Variants in TMEM135 observed in about 807,000 individuals in gnomAD.
TMEM135 encodes the protein peroxisomal membrane protein 52.
TMEM135 carries 30 observed loss-of-function variants against 60.3 expected under a neutral mutation model. That is an observed-to-expected ratio of 0.50 (90% confidence interval 0.37 to 0.68). The LOEUF (loss-of-function observed/expected upper bound fraction) is 0.68, where lower values mean the gene tolerates loss of function less well. Among genes scored for constraint, TMEM135 ranks in the 30% least tolerant of loss-of-function variants. TMEM135 has a pLI of 0.00. For synonymous variants in TMEM135, 190 were observed against 186.7 expected, an observed-to-expected ratio of 1.02 and a Z score of -0.14; for missense variants, 468 against 548.8, an observed-to-expected ratio of 0.85 and a Z score of 1.47.
chr11:87,099,148 T>C (rs1186863180), intron 4 of TMEM135, among the ~76,000 whole-genome samples: 1 of 152,286 alleles, frequency 6.6e-6, no homozygotes, highest in East Asian at 1.9e-4. Context: ...CGCTGTGTAC[T>C]TCAATACCCA....
rs535531632 is a variant in TMEM135 at position 87,246,248 on chromosome 11, T to A, written c.509+9564T>A. Among the ~76,000 whole-genome samples the A allele has an allele frequency of 1.1e-4, 17 of 149,934 alleles. No homozygotes were observed. The South Asian group carries it at 1.3e-3, about 12-fold the overall frequency. ...TGTTAGTCCAATGGGCTTCCCTTTG[T>A]GGGTAACCCGACCTTTCTCTCTGGC... On this transcript the variant is annotated intron_variant, in intron 6 of 14. Coordinates refer to ENST00000305494, the MANE Select transcript of TMEM135 (RefSeq NM_022918.4).
intron 7 of TMEM135, among the ~76,000 whole-genome samples, chr11:87,298,589 AC>A (rs1942388335): frequency 6.8e-6 from 1 of 146,160 alleles, no homozygotes; most frequent in African/African-American, 2.6e-5. Flanking sequence ...GGAGTTAGAG[AC>A]CAGCCTGGCC....
chr11:87,132,430 C>G (rs1170194801), intron 4 of TMEM135, among the ~76,000 whole-genome samples: 2 of 152,094 alleles, frequency 1.3e-5, no homozygotes, highest in East Asian at 3.9e-4. Flanking sequence ...AATGGAAAGT[C>G]CTTATGATTT....
At chr11:87,239,739 G>T (rs1236771760) in intron 6 of TMEM135, among the ~76,000 whole-genome samples, 2 of 116,262 alleles carry the variant, frequency 1.7e-5, no homozygotes, top group Admixed American at 1.7e-4. Flanking sequence ...TCAATAAAAA[G>T]AAAATATGCC....
Position 87,256,668 on chromosome 11 carries a change from A to G in TMEM135, c.509+19984A>G, listed in dbSNP as rs561501491. Among the ~76,000 whole-genome samples the G allele has an allele frequency of 7.9e-5, 12 of 152,294 alleles. No homozygotes were observed. The East Asian group carries it at 2.3e-3, about 29-fold the overall frequency. On this transcript the variant is annotated intron_variant, in intron 6 of 14. Transcript: ENST00000305494. The stretch of plus-strand genomic sequence containing the variant: ...TATATTAAAGTGATTTTTTGGGGGC[A>G]AAAACATGTCTTTTGCTCATTGTGG...
chr11:87,266,443 G>C (rs897174857), intron 6 of TMEM135, among the ~76,000 whole-genome samples: 1 of 152,142 alleles, frequency 6.6e-6, no homozygotes, highest in Non-Finnish European at 1.5e-5. Context: ...ATATATAGCA[G>C]AATGTAGCTG....
chr11:87,315,151 C>T lies in TMEM135; in HGVS notation c.1077+604C>T, dbSNP rs1942706348. The stretch of plus-strand genomic sequence containing the variant: ...TACTGCTGCTACTGCTTTTCTTCCT[C>T]CTCCTCCTCCTCCTCCTCTTCCTTC... On this transcript the variant is annotated intron_variant, in intron 12 of 14. Coordinates refer to ENST00000305494, the MANE Select transcript of TMEM135 (RefSeq NM_022918.4). 2.6e-5 allele frequency among the ~76,000 whole-genome samples: 4 copies of T among 151,716 alleles called. No individual in the cohort carries two copies. The South Asian group carries it at 8.3e-4, about 32-fold the overall frequency.
intron 5 of TMEM135, among the ~76,000 whole-genome samples, chr11:87,175,243 C>T (rs1939339314): frequency 6.6e-6 from 1 of 152,162 alleles, no homozygotes; most frequent in African/African-American, 2.4e-5. Flanking sequence ...AGAATCACAT[C>T]ATAAAACATT....
chr11:87,038,350 C>G (rs2135098290), intron 1 of TMEM135, among the ~76,000 whole-genome samples, 164 bp downstream of exon 1: 1 of 151,766 alleles, frequency 6.6e-6, no homozygotes, highest in South Asian at 2.1e-4. Flanking sequence ...GGGGAGGTCG[C>G]AAGGGAAGGA....
chr11:87,171,731 G>T (rs148629464), intron 5 of TMEM135, among the ~76,000 whole-genome samples: 149 of 152,196 alleles, frequency 9.8e-4, no homozygotes, highest in Admixed American at 2.7e-3. Flanking sequence ...CCTAGGTAGT[G>T]GTGTCCGACC....
At chr11:87,294,982 T>C (rs1004871816) in intron 6 of TMEM135, among the ~76,000 whole-genome samples, 1 of 152,152 alleles carries the variant, frequency 6.6e-6, no homozygotes, top group African/African-American at 2.4e-5. Context: ...GAAAAATACA[T>C]AACTTTTAAA....
intron 1 of TMEM135, among the ~76,000 whole-genome samples, chr11:87,060,074 C>T (rs1205421800): frequency 2.6e-5 from 4 of 151,932 alleles, no homozygotes; most frequent in Non-Finnish European, 5.9e-5. Context: ...GATCGCGCCA[C>T]TGCACTCCAG....
chr11:87,237,481 A>C (rs1941023787), intron 6 of TMEM135, among the ~76,000 whole-genome samples: 1 of 152,014 alleles, frequency 6.6e-6, no homozygotes, highest in South Asian at 2.1e-4. Context: ...CTTAATTAGC[A>C]AAGACAGTTG....
intron 4 of TMEM135, among the ~76,000 whole-genome samples, chr11:87,124,499 C>T (rs1937666036): frequency 6.6e-6 from 1 of 152,096 alleles, no homozygotes; most frequent in African/African-American, 2.4e-5. Context: ...CAAATGTGAC[C>T]TGTGTAGCAT....
At chr11:87,165,905 G>T (rs1455092504) in intron 5 of TMEM135, among the ~76,000 whole-genome samples, 3 of 150,486 alleles carry the variant, frequency 2.0e-5, no homozygotes, top group Non-Finnish European at 4.4e-5. Flanking sequence ...TGATAAAGGG[G>T]ATATCACCAC....
At chr11:87,091,621 T>C (rs1857206688) in intron 4 of TMEM135, among the ~76,000 whole-genome samples, 1 of 152,122 alleles carries the variant, frequency 6.6e-6, no homozygotes, top group Non-Finnish European at 1.5e-5. Flanking sequence ...TGTCTTGTGC[T>C]CTTCATTGCC....
chr11:87,073,246 T>C (rs1309447926), intron 3 of TMEM135, among the ~76,000 whole-genome samples: 1 of 151,794 alleles, frequency 6.6e-6, no homozygotes, highest in Admixed American at 6.6e-5. Context: ...TGTTGGCCAG[T>C]ATGGTCTTGA....
At chr11:87,258,693 A>T (rs1941581638) in intron 6 of TMEM135, among the ~76,000 whole-genome samples, 1 of 152,204 alleles carries the variant, frequency 6.6e-6, no homozygotes, top group Admixed American at 6.5e-5. Context: ...GTTGCAATTA[A>T]GTCTCTTCAT....
chr11:87,169,739 T>C (rs1297175925), intron 5 of TMEM135, among the ~76,000 whole-genome samples: 4 of 152,194 alleles, frequency 2.6e-5, no homozygotes, highest in Non-Finnish European at 4.4e-5. Flanking sequence ...TAACATATTT[T>C]CCTTCATTTC....
Sources: gnomAD v4.1 joint callset for allele counts (sites outside exome capture counted in the v4.1 genomes callset) on GRCh38, gnomAD v4.1.1 for gene constraint, MANE v1.5 for transcripts, NCBI Gene and HGNC (gene_info 2026-07-23, HGNC 2026-07-21) for gene names.